The following TRIP4 variants were observed in gnomAD, a reference collection of about 807,000 sequenced individuals.
The protein encoded by TRIP4 is activating signal cointegrator 1.
Under a neutral mutation model 81.8 loss-of-function variants are expected in TRIP4, and 54 were observed. The observed-to-expected ratio is 0.66, with a 90% CI of 0.53 to 0.83. TRIP4 has a LOEUF of 0.83. Ranked by LOEUF, TRIP4 falls within the 40% of genes least tolerant of loss-of-function variation. The pLI, the probability that TRIP4 is intolerant of heterozygous loss-of-function variation, is 0.00. For synonymous variants in TRIP4, 270 were observed against 242.8 expected (o/e 1.11, Z -1.04); for missense variants, 662 against 683.6 (o/e 0.97, Z 0.35).
At chr15:64,390,894 CAAA>C (rs993278926) in intron 1 of TRIP4, among the ~76,000 whole-genome samples, 1 of 122,540 alleles carries the variant, frequency 8.2e-6, no homozygotes. Context: ...GACTCCGTCT[CAAA>C]AAAAAAAAAA....
chr15:64,446,830 C>T (rs1408573597), intron 12 of TRIP4, among the ~76,000 whole-genome samples: 3 of 150,684 alleles, frequency 2.0e-5, no homozygotes, highest in Admixed American at 6.6e-5. Flanking sequence ...GTGGGCCGGG[C>T]GTGGTGGCTC....
intron 12 of TRIP4, among the ~76,000 whole-genome samples, chr15:64,451,352 A>G (rs370490363): frequency 2.1e-4 from 32 of 150,638 alleles, no homozygotes; most frequent in African/African-American, 7.3e-4. Flanking sequence ...ACCTCAAGTG[A>G]TTTGCTTGCC....
intron 3 of TRIP4, 127 bp from the exon 4 acceptor site, chr15:64,397,479 C>T (rs1900327187): frequency 2.3e-6 from 2 of 877,844 alleles, no homozygotes; most frequent in South Asian, 3.8e-5. Flanking sequence ...TTCTTCCTTT[C>T]ACTGCCTTCT....
intron 6 of TRIP4, among the ~76,000 whole-genome samples, chr15:64,408,840 T>G (rs987064322): frequency 3.4e-4 from 51 of 152,134 alleles, no homozygotes; most frequent in Non-Finnish European, 6.2e-4. Context: ...ATTTTGGAAC[T>G]TGGCCCCAGT....
intron 11 of TRIP4, among the ~76,000 whole-genome samples, chr15:64,427,783 A>AC (rs2140302768): frequency 6.6e-6 from 1 of 152,250 alleles, no homozygotes; most frequent in East Asian, 1.9e-4. Flanking sequence ...AGTACAATGC[A>AC]TGCATTTTGG....
intron 4 of TRIP4, among the ~76,000 whole-genome samples, chr15:64,398,889 A>G (rs1396275843): frequency 7.3e-6 from 1 of 137,888 alleles, no homozygotes; most frequent in Non-Finnish European, 1.5e-5. Context: ...GTTTTATATT[A>G]CTTCATTTTC....
At chr15:64,413,124 A>G (rs1891805348) in intron 7 of TRIP4, among the ~76,000 whole-genome samples, 1 of 152,128 alleles carries the variant, frequency 6.6e-6, no homozygotes, top group African/African-American at 2.4e-5. Flanking sequence ...AGACAGAGGA[A>G]TAACTGTATA....
chr15:64,450,168 T>A (rs1262573523), intron 12 of TRIP4, among the ~76,000 whole-genome samples: 1 of 151,266 alleles, frequency 6.6e-6, no homozygotes, highest in Non-Finnish European at 1.5e-5. Context: ...CCGAGGCGGA[T>A]CACAAGGTCA....
chr15:64,435,822 TAAAAAAAAAAAAA>T lies in TRIP4; in HGVS notation c.1576-9175_1576-9163del, dbSNP rs57170652. On this transcript the variant is annotated intron_variant, in intron 11 of 12. Transcript: ENST00000261884. ...GAGGGGGAGTGTAAAGGAAGCTTCT[TAAAAAAAAAAAAA>T]AAAAAAAAGACAAGTCCTGCAGAAG... 7.6e-5 allele frequency among the ~76,000 whole-genome samples: 5 copies of T among 65,974 alleles called. No individual in the cohort carries two copies. The South Asian group carries it at 3.4e-3, about 45-fold the overall frequency. The allele number at this position is 65,974 out of a possible 152,430, so 43.3% of individuals were successfully genotyped here. A position where few individuals can be genotyped will look rare whatever the true frequency, so the allele number is the denominator to read the frequency against.
intron 11 of TRIP4, among the ~76,000 whole-genome samples, chr15:64,426,699 C>CA (rs35662517): frequency 0.01 from 773 of 76,984 alleles, 15 homozygotes; most frequent in African/African-American, 0.035. Flanking sequence ...GACTCTGTCT[C>CA]AAAAAAAAAA....
intron 1 of TRIP4, among the ~76,000 whole-genome samples, chr15:64,388,339 C>G (rs1490365395): frequency 6.6e-6 from 1 of 152,160 alleles, no homozygotes; most frequent in Non-Finnish European, 1.5e-5. Context: ...GAGACGGAGT[C>G]TCTGTCGCCC....
At chr15:64,393,637 A>G in intron 1 of TRIP4, 1 of 175,806 alleles carries the variant, frequency 5.7e-6, no homozygotes, top group East Asian at 1.4e-4. Context: ...ATTATAATGT[A>G]ATACATTTTA....
chr15:64,435,656 T>C lies in TRIP4; in HGVS notation c.1576-9350T>C, dbSNP rs528835094. Reference sequence around the variant, plus strand: ...TAAGGATCCAGAGTTTTAACAACATTATTCCATCCCCTCTAGATCTTTAAG... The same window carrying C: ...TAAGGATCCAGAGTTTTAACAACATCATTCCATCCCCTCTAGATCTTTAAG... On this transcript the variant is annotated intron_variant, in intron 11 of 12. Coordinates refer to ENST00000261884, the MANE Select transcript of TRIP4 (RefSeq NM_016213.5). Among the ~76,000 whole-genome samples, 70 of 150,398 alleles carry C rather than the reference T, an allele frequency of 4.7e-4. 1 individual carries two copies. In the South Asian group the frequency reaches 0.014, roughly 30 times the overall value.
chr15:64,407,311 C>G (rs1461208433), intron 6 of TRIP4, among the ~76,000 whole-genome samples: 1 of 152,132 alleles, frequency 6.6e-6, no homozygotes, highest in Non-Finnish European at 1.5e-5. Flanking sequence ...GTGTATAACT[C>G]ATATTCACTC....
chr15:64,401,848 A>G (rs533150296), intron 5 of TRIP4, among the ~76,000 whole-genome samples: 1 of 152,312 alleles, frequency 6.6e-6, no homozygotes, highest in South Asian at 2.1e-4. Flanking sequence ...CCACCAATGG[A>G]TACTGAAATT....
chr15:64,391,320 C>G (rs1157483195), intron 1 of TRIP4, among the ~76,000 whole-genome samples: 1 of 151,828 alleles, frequency 6.6e-6, no homozygotes, highest in Non-Finnish European at 1.5e-5. Context: ...CCATGCCCAG[C>G]TAATTTTTGT....
chr15:64,446,223 G>A (rs1245339732), intron 12 of TRIP4, among the ~76,000 whole-genome samples: 3 of 151,572 alleles, frequency 2.0e-5, no homozygotes, highest in Non-Finnish European at 2.9e-5. Flanking sequence ...GCAGTGAGCC[G>A]AGATCACGCC....
intron 12 of TRIP4, among the ~76,000 whole-genome samples, chr15:64,445,688 AAAAT>A (rs1016900944): frequency 4.0e-5 from 6 of 151,286 alleles, no homozygotes; most frequent in Non-Finnish European, 7.4e-5. Flanking sequence ...AAAAAAAAAA[AAAAT>A]TTATTGTGTT....
Position 64,424,043 on chromosome 15 carries a change from A to C in TRIP4, c.1371A>C (p.Arg457Ser). Residue 457 changes from arginine (R) to serine (S), a missense_variant, in exon 10 of 13, where the codon AGA (arginine) becomes AGC (serine). Physicochemically the swap from Arg to Ser is moderately radical, Grantham distance 110 (BLOSUM62 -1). Transcript: ENST00000261884. Reference sequence around the variant, plus strand: ...CTATTTGTTTAAGGGTGGAGGGCAGATCCTGGTACACCCCCCACAGAGGAC... The same window carrying C: ...CTATTTGTTTAAGGGTGGAGGGCAGCTCCTGGTACACCCCCCACAGAGGAC... ...LVRGIKRVEG[R>S]SWYTPHRGRL... 1 of 1,614,136 alleles carries C rather than the reference A, an allele frequency of 6.2e-7. No homozygotes were observed. The highest frequency in any genetic ancestry group is 8.5e-7 in the Non-Finnish European group (1 of 1,180,036).
Sources: gnomAD v4.1 joint callset for allele counts (sites outside exome capture counted in the v4.1 genomes callset) on GRCh38, gnomAD v4.1.1 for gene constraint, MANE v1.5 for transcripts, NCBI Gene and HGNC (gene_info 2026-07-23, HGNC 2026-07-21) for gene names.